PLCB1: variants seen among roughly 807,000 people sequenced by gnomAD.
PLCB1 encodes the protein 1-phosphatidylinositol 4,5-bisphosphate phosphodiesterase beta-1.
PLCB1 carries 46 observed loss-of-function variants against 161.8 expected under a neutral mutation model. The observed-to-expected ratio is 0.28, with a 90% CI of 0.22 to 0.36. The LOEUF (loss-of-function observed/expected upper bound fraction) is 0.36. Among genes scored for constraint, PLCB1 ranks in the 10% least tolerant of loss-of-function variants. The probability of loss-of-function intolerance (pLI) is 1.00; values close to 1 mark genes in which losing one functional copy is unlikely to be tolerated. For missense variants in PLCB1, 1,016 were observed against 1,472.5 expected, an observed-to-expected ratio of 0.69 and a Z score of 5.07; for synonymous variants, 517 against 503.7, an observed-to-expected ratio of 1.03 and a Z score of -0.35.
chr20:8,739,488 A>G, intron 21 of PLCB1, 128 bp downstream of exon 21: 1 of 653,360 alleles, frequency 1.5e-6, no homozygotes, highest in Non-Finnish European at 2.8e-6. Flanking sequence ...AACAAGGGCG[A>G]TGAGATTTAG....
At chr20:8,413,394 T>C (rs993701869) in intron 3 of PLCB1, among the ~76,000 whole-genome samples, 1 of 152,244 alleles carries the variant, frequency 6.6e-6, no homozygotes, top group African/African-American at 2.4e-5. Context: ...CATTTGTACT[T>C]AATAACACGA....
intron 3 of PLCB1, among the ~76,000 whole-genome samples, chr20:8,461,405 T>A (rs1228201474): frequency 2.0e-5 from 3 of 152,286 alleles, no homozygotes; most frequent in Non-Finnish European, 4.4e-5. Flanking sequence ...ACAAGTCACT[T>A]AATCCCTCTA....
intron 31 of PLCB1, among the ~76,000 whole-genome samples, chr20:8,821,410 G>A (rs11908274): frequency 2.7e-5 from 4 of 146,554 alleles, no homozygotes; most frequent in Non-Finnish European, 4.5e-5. Context: ...CCTGGGAGGC[G>A]GAGGTTGTGG....
At chr20:8,772,996 GT>G (rs886425060) in intron 26 of PLCB1, among the ~76,000 whole-genome samples, 1 of 152,188 alleles carries the variant, frequency 6.6e-6, no homozygotes, top group African/African-American at 2.4e-5. Flanking sequence ...CAAGAGGAAA[GT>G]TTCCCTCAAC....
chr20:8,184,972 T>C (rs1321894328), intron 2 of PLCB1, among the ~76,000 whole-genome samples: 2 of 151,630 alleles, frequency 1.3e-5, no homozygotes, highest in Non-Finnish European at 2.9e-5. Context: ...CCCTGGTGTG[T>C]GATGTTCCCC....
At chr20:8,781,647 C>T (rs1289657915) in intron 27 of PLCB1, among the ~76,000 whole-genome samples, 3 of 152,084 alleles carry the variant, frequency 2.0e-5, no homozygotes, top group African/African-American at 7.2e-5. Context: ...AAGACATAGC[C>T]AAGACTGGGC....
chr20:8,691,234 A>G (rs1462258907), intron 10 of PLCB1, among the ~76,000 whole-genome samples: 1 of 152,118 alleles, frequency 6.6e-6, no homozygotes, highest in Non-Finnish European at 1.5e-5. Context: ...AGCTACCCCA[A>G]ATCAATTAAG....
intron 3 of PLCB1, among the ~76,000 whole-genome samples, chr20:8,618,815 C>T (rs1016156787): frequency 6.6e-6 from 1 of 152,070 alleles, no homozygotes; most frequent in African/African-American, 2.4e-5. Context: ...GACATCAAAC[C>T]TTATCAAGGC....
At chr20:8,253,303 C>G (rs1352331743) in intron 2 of PLCB1, among the ~76,000 whole-genome samples, 1 of 151,998 alleles carries the variant, frequency 6.6e-6, no homozygotes, top group Non-Finnish European at 1.5e-5. Context: ...TAGCACTATT[C>G]ACTTAGAAAA....
chr20:8,345,532 T>A (rs939637802), intron 2 of PLCB1, among the ~76,000 whole-genome samples: 1 of 152,160 alleles, frequency 6.6e-6, no homozygotes, highest in African/African-American at 2.4e-5. Flanking sequence ...CTCTTTCTGG[T>A]CCAGGCACTG....
At position 8,774,596 on chromosome 20, in the gene PLCB1, T is replaced by C. The variant is rs2235613; in HGVS notation, c.2988T>C (p.Ala996=). ...GSSTIEQDLA[A]LDAEMTQKLI... is the part of the protein sequence containing the mutation. ...CAACGATTGAGCAAGACCTCGCTGC[T>C]CTGGATGCTGAAATGACCCAAAAGT... The change falls in exon 27 of 32, where the codon GCT becomes GCC. Residue 996 remains alanine (A), a synonymous_variant. Transcript: ENST00000338037. 1,014,772 of 1,613,212 alleles carry C rather than the reference T, an allele frequency of 0.63. 322,005 individuals carry two copies. Among genetic ancestry groups the C allele is most frequent in the South Asian group, 0.74 (67,245 of 90,978 alleles).
At chr20:8,180,153 C>T (rs1219700692) in intron 2 of PLCB1, among the ~76,000 whole-genome samples, 4 of 151,816 alleles carry the variant, frequency 2.6e-5, no homozygotes, top group South Asian at 2.1e-4. Flanking sequence ...CCACCGCGCC[C>T]GGCCTGTTGA....
At chr20:8,829,855 G>T (rs1016295389) in intron 31 of PLCB1, among the ~76,000 whole-genome samples, 3 of 152,186 alleles carry the variant, frequency 2.0e-5, no homozygotes, top group African/African-American at 4.8e-5. Context: ...TCTGAAGCAC[G>T]CAGAGGCAGC....
At chr20:8,466,714 G>A (rs1981840534) in intron 3 of PLCB1, among the ~76,000 whole-genome samples, 1 of 152,074 alleles carries the variant, frequency 6.6e-6, no homozygotes, top group Non-Finnish European at 1.5e-5. Flanking sequence ...TTGTAGGTTT[G>A]ACTGAGCTCC....
intron 9 of PLCB1, among the ~76,000 whole-genome samples, chr20:8,665,092 A>G (rs1471244999): frequency 2.0e-5 from 3 of 152,202 alleles, no homozygotes; most frequent in Non-Finnish European, 4.4e-5. Context: ...TTCAACCAGG[A>G]TGTGCTTCCT....
intron 2 of PLCB1, among the ~76,000 whole-genome samples, chr20:8,180,003 T>C (rs6039069): frequency 0.31 from 45,668 of 148,692 alleles, 9,120 homozygotes; most frequent in African/African-American, 0.58. Flanking sequence ...GGACTACAGG[T>C]GCCCGCCACT....
At chr20:8,363,625 C>G (rs954453932) in intron 2 of PLCB1, among the ~76,000 whole-genome samples, 3 of 152,108 alleles carry the variant, frequency 2.0e-5, no homozygotes, top group Non-Finnish European at 4.4e-5. Flanking sequence ...AGTGATAGCC[C>G]AGCACCTTTG....
intron 2 of PLCB1, among the ~76,000 whole-genome samples, chr20:8,182,034 A>G (rs1261781071): frequency 6.6e-6 from 1 of 152,182 alleles, no homozygotes; most frequent in Non-Finnish European, 1.5e-5. Context: ...ATATACCCAT[A>G]AAGATGAAAA....
chr20:8,313,680 T>C (rs1984513241), intron 2 of PLCB1, among the ~76,000 whole-genome samples: 1 of 152,200 alleles, frequency 6.6e-6, no homozygotes, highest in Non-Finnish European at 1.5e-5. Context: ...AAAGCTACAA[T>C]GTACTTCACA....
Sources: gnomAD v4.1 joint callset for allele counts (sites outside exome capture counted in the v4.1 genomes callset) on GRCh38, gnomAD v4.1.1 for gene constraint, MANE v1.5 for transcripts, NCBI Gene and HGNC (gene_info 2026-07-23, HGNC 2026-07-21) for gene names.